CERS4: variants seen among roughly 807,000 people sequenced by gnomAD.
The protein encoded by CERS4 is LAG1 homolog, ceramide synthase 4.
A neutral mutation model predicts 51.8 loss-of-function variants in CERS4; 65 were observed. The ratio of observed to expected loss-of-function variants is 1.26; its 90% CI spans 1.03 to 1.54. The LOEUF (loss-of-function observed/expected upper bound fraction) is 1.54. Among genes scored for constraint, CERS4 ranks in the 40% most tolerant of loss-of-function variants. The pLI, the probability that CERS4 is intolerant of heterozygous loss-of-function variation, is 0.00. For synonymous variants in CERS4, 228 were observed against 208.4 expected (o/e 1.09, Z -0.81); for missense variants, 563 against 500.4 (o/e 1.13, Z -1.19).
chr19:8,230,627 C>G (rs1288363417), intron 2 of CERS4, among the ~76,000 whole-genome samples: 3 of 152,152 alleles, frequency 2.0e-5, no homozygotes, highest in Non-Finnish European at 4.4e-5. Flanking sequence ...TCAGTACATT[C>G]AAAGTGTTGT....
rs146217942 is a variant in CERS4 at position 8,248,032 on chromosome 19, C to T, written c.-1-3044C>T. The stretch of plus-strand genomic sequence containing the variant: ...TACAGGTGTGAGCCACCGCACCTGG[C>T]CTGACGACCTCATCTTTAAGTCCCA... On this transcript the variant is annotated intron_variant, in intron 2 of 11. Transcript: ENST00000251363. Among the ~76,000 whole-genome samples the T allele has an allele frequency of 2.2e-3, 340 of 152,296 alleles. 1 individual carries two copies. Among genetic ancestry groups the T allele is most frequent in the African/African-American group, 7.7e-3 (318 of 41,554 alleles).
At chr19:8,234,542 ATTTTTTTTT>A (rs35971828) in intron 2 of CERS4, among the ~76,000 whole-genome samples, 104 of 54,186 alleles carry the variant, frequency 1.9e-3, no homozygotes, top group African/African-American at 5.2e-3. Flanking sequence ...CCACCATTCT[ATTTTTTTTT>A]TTTTTTTTTT....
chr19:8,255,762 C>T (rs374458642), intron 5 of CERS4, 37 bp downstream of exon 5: 24 of 971,108 alleles, frequency 2.5e-5, no homozygotes, highest in Middle Eastern at 4.8e-4. Context: ...TGCAGGGAAG[C>T]GGGCCGGGGT....
intron 2 of CERS4, among the ~76,000 whole-genome samples, chr19:8,244,922 A>G (rs112577763): frequency 0.025 from 3,724 of 151,986 alleles, 163 homozygotes; most frequent in African/African-American, 0.086. Context: ...AGACAGGTGG[A>G]TCACGAGGTC....
At chr19:8,226,308 G>A (rs188246261) in intron 2 of CERS4, among the ~76,000 whole-genome samples, 1 of 152,316 alleles carries the variant, frequency 6.6e-6, no homozygotes, top group East Asian at 1.9e-4. Context: ...TAATACCTGG[G>A]ATGGTACCAA....
intron 2 of CERS4, among the ~76,000 whole-genome samples, chr19:8,237,353 AC>A (rs1163420764): frequency 1.3e-5 from 2 of 151,576 alleles, no homozygotes; most frequent in African/African-American, 4.9e-5. Flanking sequence ...GGATTTCAAG[AC>A]CAGCCTGGCC....
In CERS4 at chr19:8,262,133, G is replaced by C. The variant is rs1234711988; in HGVS notation, c.*24G>C. 7.0e-7 allele frequency: 1 copy of C among 1,434,388 alleles called. No homozygotes were observed. Among genetic ancestry groups the C allele is most frequent in the East Asian group, 2.5e-5 (1 of 39,218 alleles). The allele number at this position is 1,434,388 out of a possible 1,614,324, so 88.9% of individuals were successfully genotyped here. On this transcript the variant is annotated 3_prime_UTR_variant, in exon 12 of 12. Transcript: ENST00000251363. ...AGCCGGGCGGGGCTGGCTGTAAGGG[G>C]TTGCCCCCCCGCCAGTGCCTTGGAT...
intron 9 of CERS4, among the ~76,000 whole-genome samples, chr19:8,257,440 ATTTT>A (rs34718857): frequency 6.6e-6 from 1 of 150,658 alleles, no homozygotes; most frequent in African/African-American, 2.4e-5. Flanking sequence ...ATGTATTCAC[ATTTT>A]TTTTTTTGAG....
chr19:8,244,279 C>T (rs1327597745), intron 2 of CERS4, among the ~76,000 whole-genome samples: 1 of 152,100 alleles, frequency 6.6e-6, no homozygotes, highest in Non-Finnish European at 1.5e-5. Flanking sequence ...TGGCTTGAGC[C>T]CAGGAGATCG....
intron 2 of CERS4, among the ~76,000 whole-genome samples, chr19:8,213,226 G>C (rs963533152): frequency 1.3e-5 from 2 of 152,002 alleles, no homozygotes; most frequent in African/African-American, 4.8e-5. Context: ...AGTTTTGCCA[G>C]TTGCCCAGGC....
At chr19:8,245,902 CAAAAAAAAAA>C (rs746017170) in intron 2 of CERS4, among the ~76,000 whole-genome samples, 11 of 76,956 alleles carry the variant, frequency 1.4e-4, no homozygotes, top group Admixed American at 3.3e-4. Flanking sequence ...GCTTTGATGA[CAAAAAAAAAA>C]AAAAAAAAAA....
intron 10 of CERS4, among the ~76,000 whole-genome samples, chr19:8,258,946 C>T (rs1438047878): frequency 6.6e-6 from 1 of 151,646 alleles, no homozygotes; most frequent in African/African-American, 2.4e-5. Flanking sequence ...CCACTTTGGC[C>T]AACACAGAGA....
intron 3 of CERS4, among the ~76,000 whole-genome samples, chr19:8,252,542 G>A (rs369627588): frequency 6.6e-6 from 1 of 151,040 alleles, no homozygotes; most frequent in African/African-American, 2.4e-5. Context: ...AGGTTCAAGC[G>A]ACTCTCCTAT....
intron 2 of CERS4, among the ~76,000 whole-genome samples, chr19:8,226,799 C>T (rs1209119369): frequency 6.6e-6 from 1 of 151,996 alleles, no homozygotes; most frequent in Admixed American, 6.6e-5. Context: ...TCGAGACCAG[C>T]CTGGCCAACA....
At chr19:8,234,717 C>T (rs1051386930) in intron 2 of CERS4, among the ~76,000 whole-genome samples, 2 of 111,616 alleles carry the variant, frequency 1.8e-5, no homozygotes, top group Admixed American at 1.9e-4. Flanking sequence ...CTATGCCCAG[C>T]TAATTTTTGC....
chr19:8,256,552 G>A (rs1256001387), intron 7 of CERS4, 66 bp from the exon 8 acceptor site: 5 of 1,459,864 alleles, frequency 3.4e-6, no homozygotes, highest in Non-Finnish European at 4.7e-6. Context: ...AGTGGGCCCG[G>A]AGCCATACCC....
chr19:8,241,713 C>T (rs890080946), intron 2 of CERS4, among the ~76,000 whole-genome samples: 1 of 152,162 alleles, frequency 6.6e-6, no homozygotes, highest in Admixed American at 6.5e-5. Context: ...AGATAGGCCA[C>T]GTTCCATGCC....
intron 4 of CERS4, among the ~76,000 whole-genome samples, chr19:8,255,307 T>C (rs1969316960): frequency 6.6e-6 from 1 of 152,144 alleles, no homozygotes; most frequent in African/African-American, 2.4e-5. Context: ...CTGACCGTTC[T>C]GGAGGGACGC....
intron 2 of CERS4, among the ~76,000 whole-genome samples, chr19:8,236,077 T>C (rs562714327): frequency 7.2e-5 from 11 of 152,122 alleles, no homozygotes; most frequent in Admixed American, 3.9e-4. Context: ...GCACCTGTAG[T>C]CCCAGCTACT....
Sources: gnomAD v4.1 joint callset for allele counts (sites outside exome capture counted in the v4.1 genomes callset) on GRCh38, gnomAD v4.1.1 for gene constraint, MANE v1.5 for transcripts, NCBI Gene and HGNC (gene_info 2026-07-23, HGNC 2026-07-21) for gene names.